SCAND1: variants seen among roughly 807,000 people sequenced by gnomAD.
The protein encoded by SCAND1 is SCAN domain-containing protein 1.
Under a neutral mutation model 3.4 loss-of-function variants are expected in SCAND1, and 3 were observed. The ratio of observed to expected loss-of-function variants is 0.87; its 90% CI spans 0.40 to 2.25. The LOEUF (loss-of-function observed/expected upper bound fraction) is 2.25, where lower values mean the gene tolerates loss of function less well. Ranked by LOEUF, SCAND1 falls within the 30% of genes most tolerant of loss-of-function variation. SCAND1 has a pLI of 0.05. For missense variants in SCAND1, 303 were observed against 258.8 expected (o/e 1.17, Z -1.17); for synonymous variants, 152 against 120.5 (o/e 1.26, Z -1.72).
At chr20:35,958,334 A>G (rs907665069), upstream of SCAND1, among the ~76,000 whole-genome samples, 2 of 152,198 alleles carry the variant, frequency 1.3e-5, no homozygotes, top group African/African-American at 4.8e-5. Context: ...TGGGAGGCTG[A>G]GGCAGAAGAA....
upstream of SCAND1, chr20:35,954,882 A>C: frequency 3.4e-6 from 1 of 293,956 alleles, no homozygotes. Context: ...GCCGGTGGTG[A>C]CCCGAACAGG....
At chr20:35,954,645 T>G, upstream of SCAND1, 1 of 1,283,158 alleles carries the variant, frequency 7.8e-7, no homozygotes. Context: ...TCCTTCCGAA[T>G]GGTGGCGCCT....
At chr20:35,956,845 G>C (rs1600997474), upstream of SCAND1, among the ~76,000 whole-genome samples, 1 of 152,174 alleles carries the variant, frequency 6.6e-6, no homozygotes. Context: ...GGACATTCCA[G>C]GTAGAAGGTA....
upstream of SCAND1, chr20:35,958,887 T>C (rs2147165748): frequency 6.6e-6 from 1 of 152,348 alleles, no homozygotes; most frequent in East Asian, 1.9e-4. Context: ...GTATAATCAT[T>C]TGGGCTTGGC....
chr20:35,954,604 TGCGGGAGGGCGAGCTGC>T, upstream of SCAND1: 1 of 1,380,070 alleles, frequency 7.2e-7, no homozygotes, highest in Non-Finnish European at 9.6e-7. Context: ...GCCCTCGCGG[TGCGGGAGGGCGAGCTGC>T]GCGTGGCCTG....
chr20:35,953,934 C>G lies in SCAND1; in HGVS notation c.351G>C (p.Gln117His). 1 of 1,580,162 alleles carries G rather than the reference C, an allele frequency of 6.3e-7. No individual in the cohort carries two copies. The highest frequency in any genetic ancestry group is 8.6e-7 in the Non-Finnish European group (1 of 1,164,632). The part of the protein sequence containing the change: ...FRQRFRQFRY[Q>H]DAAGPREAFR... Reference sequence around the variant, plus strand: ...AAGCCTCCCGGGGACCCGCCGCATCCTGGTAGCGGAACTGCCGGAAACGCT... The same window carrying G: ...AAGCCTCCCGGGGACCCGCCGCATCGTGGTAGCGGAACTGCCGGAAACGCT... Residue 117 changes from glutamine (Q) to histidine (H), a missense_variant, in exon 2 of 2, where the codon CAG becomes CAC. Transcript: ENST00000305978.
At chr20:35,957,519 T>A (rs1157494155), upstream of SCAND1, among the ~76,000 whole-genome samples, 5 of 152,092 alleles carry the variant, frequency 3.3e-5, no homozygotes, top group Non-Finnish European at 2.9e-5. Flanking sequence ...CACTCTACTT[T>A]GGTATATGCT....
chr20:35,957,297 C>G (rs1568835603), upstream of SCAND1, among the ~76,000 whole-genome samples: 1 of 152,146 alleles, frequency 6.6e-6, no homozygotes, highest in Non-Finnish European at 1.5e-5. Flanking sequence ...AAGATTGGCT[C>G]AGTAGTTGGC....
At position 35,954,433 on chromosome 20, in the gene SCAND1, G is replaced by A; in HGVS notation, c.-56+15C>T. 3 of 1,550,174 alleles carry A rather than the reference G, an allele frequency of 1.9e-6. No individual in the cohort carries two copies. The highest frequency in any genetic ancestry group is 1.2e-5 in the South Asian group (1 of 83,566). ...GAGTCGGACTCGGGACCGGCCGAGAGTGTGCGGAGCTTACCTGCACCAGCG... is the reference window on the plus strand; with the variant it reads ...GAGTCGGACTCGGGACCGGCCGAGAATGTGCGGAGCTTACCTGCACCAGCG... On this transcript the variant is annotated intron_variant, in intron 1 of 1. Transcript: ENST00000305978.
At position 35,954,448 on chromosome 20, in the gene SCAND1, C is replaced by G; in HGVS notation, c.-56G>C. ...CCGGCCGAGAGTGTGCGGAGCTTAC[C>G]TGCACCAGCGAAGCGCCTGCGGCAG... is the stretch of plus-strand genomic sequence containing the variant. On this transcript the variant is annotated splice_region_variant and 5_prime_UTR_variant, in exon 1 of 2. Transcript: ENST00000305978. The G allele has an allele frequency of 6.5e-7, 1 of 1,549,288 alleles. No individual in the cohort carries two copies. The highest frequency in any genetic ancestry group is 8.7e-7 in the Non-Finnish European group (1 of 1,146,768).
At chr20:35,954,425 G>C (rs751215098) in intron 1 of SCAND1, 23 bp downstream of exon 1, 42 of 1,550,852 alleles carry the variant, frequency 2.7e-5, no homozygotes, top group Admixed American at 5.9e-5. Context: ...ACTCGGGACC[G>C]GCCGAGAGTG....
At chr20:35,954,591 G>A, upstream of SCAND1, 1 of 1,415,690 alleles carries the variant, frequency 7.1e-7, no homozygotes, top group African/African-American at 1.4e-5. Context: ...TGAGGCGGCT[G>A]CTGCCCTCGC....
At chr20:35,955,208 C>T (rs565442433), upstream of SCAND1, 11 of 158,976 alleles carry the variant, frequency 6.9e-5, no homozygotes, top group African/African-American at 2.6e-4. Flanking sequence ...TAGTTGATAA[C>T]CCTCGAAATA....
upstream of SCAND1, among the ~76,000 whole-genome samples, chr20:35,956,539 T>C (rs2056258757): frequency 2.0e-5 from 3 of 152,182 alleles, no homozygotes; most frequent in Admixed American, 1.3e-4. Flanking sequence ...TGCTCTCAGG[T>C]TGTTGCTTTA....
chr20:35,955,881 G>T (rs898600962), upstream of SCAND1, among the ~76,000 whole-genome samples: 1 of 152,028 alleles, frequency 6.6e-6, no homozygotes, highest in African/African-American at 2.4e-5. Context: ...CACCACACCC[G>T]GCTAATATTT....
chr20:35,956,194 CT>C (rs1380385774), upstream of SCAND1, among the ~76,000 whole-genome samples: 1 of 152,214 alleles, frequency 6.6e-6, no homozygotes, highest in Non-Finnish European at 1.5e-5. Context: ...AAACTTACCC[CT>C]ACCATAGGAT....
chr20:35,954,592 C>CT (rs1471026202), upstream of SCAND1: 1 of 1,415,382 alleles, frequency 7.1e-7, no homozygotes, highest in Admixed American at 2.3e-5. Context: ...GAGGCGGCTG[C>CT]TGCCCTCGCG....
Position 35,954,142 on chromosome 20 carries a change from G to A in SCAND1, c.143C>T (p.Pro48Leu). ...CGCGGCGTTGGGACTGGAAGGCTCAGGGGCAGGCGGTGAGGCCTCTGGCAG... is the reference window on the plus strand; with the variant it reads ...CGCGGCGTTGGGACTGGAAGGCTCAAGGGCAGGCGGTGAGGCCTCTGGCAG... ...SSLPEASPPA[P>L]EPSSPNAAVP... The change falls in exon 2 of 2, where the codon CCT becomes CTT. Residue 48 changes from proline to leucine, a missense_variant. Transcript: ENST00000305978. 6.3e-7 allele frequency: 1 copy of A among 1,578,146 alleles called. No homozygotes were observed. The highest frequency in any genetic ancestry group is 8.6e-7 in the Non-Finnish European group (1 of 1,162,686).
chr20:35,959,000 C>T (rs1180123637), upstream of SCAND1: 1 of 152,116 alleles, frequency 6.6e-6, no homozygotes, highest in East Asian at 1.9e-4. Context: ...TATAGATGTA[C>T]CATGGTATAT....
Sources: allele counts gnomAD v4.1 joint callset (sites outside exome capture counted in the v4.1 genomes callset), GRCh38; gene constraint gnomAD v4.1.1; transcripts MANE v1.5; gene names NCBI Gene and HGNC (gene_info 2026-07-23, HGNC 2026-07-21).